Variants in SGCZ observed in about 807,000 individuals in gnomAD.
The protein encoded by SGCZ is sarcoglycan zeta.
SGCZ carries 40 observed loss-of-function variants against 41.3 expected under a neutral mutation model. The observed-to-expected ratio is 0.97, with a 90% CI of 0.75 to 1.26. The LOEUF (loss-of-function observed/expected upper bound fraction) is 1.26, where lower values mean the gene tolerates loss of function less well. Ranked by LOEUF, SGCZ falls within the 50% of genes most tolerant of loss-of-function variation. The pLI is 0.00. For synonymous variants in SGCZ, 206 were observed against 137.5 expected, an observed-to-expected ratio of 1.50 and a Z score of -3.49; for missense variants, 552 against 369.8, an observed-to-expected ratio of 1.49 and a Z score of -4.04.
intron 1 of SGCZ, among the ~76,000 whole-genome samples, chr8:14,733,254 T>A (rs554511146): frequency 9.0e-4 from 137 of 152,284 alleles, no homozygotes; most frequent in African/African-American, 3.2e-3. Flanking sequence ...CCAAAAGTAT[T>A]CAGACTACCC....
chr8:14,592,784 T>C (rs1407690624), intron 1 of SGCZ, among the ~76,000 whole-genome samples: 1 of 152,194 alleles, frequency 6.6e-6, no homozygotes, highest in Non-Finnish European at 1.5e-5. Flanking sequence ...AGATCAGAGA[T>C]TGCAAAACTA....
chr8:14,385,932 C>T (rs1049011691), intron 2 of SGCZ, among the ~76,000 whole-genome samples: 1 of 152,168 alleles, frequency 6.6e-6, no homozygotes, highest in Non-Finnish European at 1.5e-5. Context: ...CACATATCCT[C>T]TCCTATACTT....
At chr8:14,301,495 C>T (rs1028116562) in intron 3 of SGCZ, among the ~76,000 whole-genome samples, 1 of 152,082 alleles carries the variant, frequency 6.6e-6, no homozygotes, top group Non-Finnish European at 1.5e-5. Flanking sequence ...TTACACCTTT[C>T]CAAATTTCAC....
intron 1 of SGCZ, among the ~76,000 whole-genome samples, chr8:15,215,649 C>G (rs181242357): frequency 7.5e-4 from 114 of 152,166 alleles, no homozygotes; most frequent in African/African-American, 2.5e-3. Context: ...TTTCCTAGTC[C>G]AAATTACAAA....
intron 2 of SGCZ, among the ~76,000 whole-genome samples, chr8:14,445,679 T>C (rs1264634199): frequency 1.3e-5 from 2 of 152,140 alleles, no homozygotes; most frequent in Non-Finnish European, 2.9e-5. Context: ...ACATTGACTG[T>C]GGGTACCCAA....
chr8:14,671,012 A>C (rs974383734), intron 1 of SGCZ, among the ~76,000 whole-genome samples: 1 of 152,142 alleles, frequency 6.6e-6, no homozygotes, highest in Non-Finnish European at 1.5e-5. Context: ...TCTAGCTCTC[A>C]AGCTTCCTTG....
chr8:14,445,956 C>T (rs1459542693), intron 2 of SGCZ, among the ~76,000 whole-genome samples: 2 of 152,192 alleles, frequency 1.3e-5, no homozygotes, highest in Non-Finnish European at 2.9e-5. Context: ...CCTGGAGTGG[C>T]TGGCCAGATC....
At chr8:14,963,019 A>G (rs1407269631) in intron 1 of SGCZ, among the ~76,000 whole-genome samples, 1 of 152,174 alleles carries the variant, frequency 6.6e-6, no homozygotes, top group Non-Finnish European at 1.5e-5. Context: ...AAAGATTTGG[A>G]AAGTTTCTGG....
intron 4 of SGCZ, among the ~76,000 whole-genome samples, chr8:14,189,192 T>C (rs1805011564): frequency 6.6e-6 from 1 of 152,058 alleles, no homozygotes. Context: ...ACCACTATCA[T>C]CTATAATCTG....
At position 14,260,088 on chromosome 8, in the gene SGCZ, G is replaced by C. The variant is rs569048186; in HGVS notation, c.337-22409C>G. On this transcript the variant is annotated intron_variant, in intron 3 of 7. Coordinates refer to ENST00000382080, the MANE Select transcript of SGCZ (RefSeq NM_139167.4). ...CTCTTTGAAGCAATTGTGAATGGGA[G>C]TTCACTCATGATTTGGCTCTCTGTT... 3.3e-5 allele frequency among the ~76,000 whole-genome samples: 5 copies of C among 152,180 alleles called. No individual in the cohort carries two copies. The South Asian group carries it at 1.0e-3, about 32-fold the overall frequency.
chr8:14,125,229 C>T (rs977739376), intron 5 of SGCZ, among the ~76,000 whole-genome samples: 1 of 152,106 alleles, frequency 6.6e-6, no homozygotes, highest in African/African-American at 2.4e-5. Context: ...CGCCTGCAAT[C>T]CCAGCACTTT....
At chr8:14,445,027 G>C (rs1471147151) in intron 2 of SGCZ, among the ~76,000 whole-genome samples, 2 of 152,162 alleles carry the variant, frequency 1.3e-5, no homozygotes, top group African/African-American at 4.8e-5. Context: ...GAGACCACTA[G>C]GATAGGTCCA....
At chr8:15,018,248 C>T (rs1327981922) in intron 1 of SGCZ, among the ~76,000 whole-genome samples, 6 of 152,148 alleles carry the variant, frequency 3.9e-5, no homozygotes, top group African/African-American at 1.4e-4. Context: ...ATAGGACAGA[C>T]ACTGTTCTAA....
chr8:14,749,394 C>T (rs551799095), intron 1 of SGCZ, among the ~76,000 whole-genome samples: 19 of 152,230 alleles, frequency 1.2e-4, no homozygotes, highest in Admixed American at 3.3e-4. Context: ...GGTTCTAGAA[C>T]GAACATTCCA....
At position 14,090,365 on chromosome 8, in the gene SGCZ, C is replaced by G. The variant is rs1801648714; in HGVS notation, c.*78G>C. 4.7e-6 allele frequency: 7 copies of G among 1,496,960 alleles called. No homozygotes were observed. Among genetic ancestry groups the G allele is most frequent in the Middle Eastern group, 2.1e-4 (1 of 4,692 alleles). The allele number at this position is 1,496,960 out of a possible 1,614,324, so 92.7% of individuals were successfully genotyped here. A position where few individuals can be genotyped will look rare whatever the true frequency, so the allele number is the denominator to read the frequency against. On this transcript the variant is annotated 3_prime_UTR_variant, in exon 8 of 8. Coordinates refer to ENST00000382080, the MANE Select transcript of SGCZ (RefSeq NM_139167.4). ...ATTCGAAGAAGCTCTGGACTGATCACAAGGGAAACCGAGCAGAACTGTGAA... is the reference window on the plus strand; with the variant it reads ...ATTCGAAGAAGCTCTGGACTGATCAGAAGGGAAACCGAGCAGAACTGTGAA...
chr8:14,279,359 T>C (rs13257014), intron 3 of SGCZ, among the ~76,000 whole-genome samples: 145,302 of 152,114 alleles, frequency 0.96, 69,752 homozygotes, highest in Non-Finnish European at 1. Flanking sequence ...GCCAGCTATT[T>C]AAAAGCTAAA....
chr8:14,090,458 G>C lies in SGCZ; in HGVS notation c.924C>G (p.Ile308Met), dbSNP rs1357836083. The C allele has an allele frequency of 1.9e-6, 3 of 1,612,372 alleles. No individual in the cohort carries two copies. The highest frequency in any genetic ancestry group is 2.5e-6 in the Non-Finnish European group (3 of 1,179,074). Residue 308 changes from isoleucine (I) to methionine (M), a missense_variant, in exon 8 of 8, where the codon ATC becomes ATG. Ile to Met is a conservative substitution (Grantham distance 10). Transcript: ENST00000382080. Reference protein sequence around the residue: ...VGSTCQSSSNICLWS With the variant: ...VGSTCQSSSNMCLWS ...ATCAGTCACTTCAGCTCCACAGGCA[G>C]ATGTTGCTACTGGACTGACAAGTGG...
At chr8:14,356,960 T>C (rs1803318656) in intron 2 of SGCZ, among the ~76,000 whole-genome samples, 2 of 152,082 alleles carry the variant, frequency 1.3e-5, no homozygotes, top group South Asian at 4.1e-4. Context: ...ATTCTAAATT[T>C]GAGAAAAACA....
chr8:14,201,526 C>G (rs1170200975), intron 4 of SGCZ, among the ~76,000 whole-genome samples: 1 of 152,124 alleles, frequency 6.6e-6, no homozygotes, highest in Non-Finnish European at 1.5e-5. Context: ...AAACCACACT[C>G]AAAGGCTACA....
Sources: gnomAD v4.1 joint callset for allele counts (sites outside exome capture counted in the v4.1 genomes callset) on GRCh38, gnomAD v4.1.1 for gene constraint, MANE v1.5 for transcripts, NCBI Gene and HGNC (gene_info 2026-07-23, HGNC 2026-07-21) for gene names.